SINHCAF: variants seen among roughly 807,000 people sequenced by gnomAD.
SINHCAF encodes the protein SIN3-HDAC complex associated factor.
In SINHCAF, 3 loss-of-function variants were observed where a neutral mutation model predicts 25.8. The ratio of observed to expected loss-of-function variants is 0.12; its 90% CI spans 0.05 to 0.30. The LOEUF (loss-of-function observed/expected upper bound fraction) is 0.30. SINHCAF is among the 10% of genes least tolerant of loss of function. SINHCAF has a pLI of 1.00. For missense variants in SINHCAF, 121 were observed against 262.3 expected, an observed-to-expected ratio of 0.46 and a Z score of 3.72; for synonymous variants, 70 against 85.5, an observed-to-expected ratio of 0.82 and a Z score of 1.00.
chr12:31,306,982 A>G (rs942414819), intron 1 of SINHCAF, among the ~76,000 whole-genome samples: 5 of 152,214 alleles, frequency 3.3e-5, no homozygotes, highest in African/African-American at 9.7e-5. Context: ...CAAGTAAGAT[A>G]CATCTGTAAA....
chr12:31,295,022 G>A (rs1565493063), intron 3 of SINHCAF, among the ~76,000 whole-genome samples: 1 of 152,098 alleles, frequency 6.6e-6, no homozygotes. Flanking sequence ...GGGGGATATT[G>A]GATACAGCCT....
chr12:31,300,821 C>G (rs573385924), intron 1 of SINHCAF, among the ~76,000 whole-genome samples: 3 of 152,228 alleles, frequency 2.0e-5, no homozygotes, highest in Admixed American at 1.3e-4. Context: ...GCATTACCAT[C>G]AAGAAGGTCA....
chr12:31,320,327 C>G (rs1307024845), intron 1 of SINHCAF, among the ~76,000 whole-genome samples: 1 of 152,206 alleles, frequency 6.6e-6, no homozygotes, highest in African/African-American at 2.4e-5. Context: ...TTATTTCTGC[C>G]TGAGACGGCT....
chr12:31,299,310 A>G (rs1022856443), intron 1 of SINHCAF, among the ~76,000 whole-genome samples: 44 of 149,964 alleles, frequency 2.9e-4, no homozygotes, highest in African/African-American at 1.1e-3. Flanking sequence ...AGCAACAATA[A>G]AAGAAAAAAA....
At chr12:31,302,897 TG>T (rs1938866050) in intron 1 of SINHCAF, 1 of 980,720 alleles carries the variant, frequency 1.0e-6, no homozygotes, top group African/African-American at 1.8e-5. Flanking sequence ...CAGTTACAAA[TG>T]CACAAAGGGT....
intron 1 of SINHCAF, among the ~76,000 whole-genome samples, chr12:31,308,100 C>T (rs944737094): frequency 2.0e-5 from 3 of 152,212 alleles, no homozygotes; most frequent in African/African-American, 7.2e-5. Flanking sequence ...GCCACCACAT[C>T]TGGCTAATTT....
In SINHCAF at chr12:31,325,007, CGGACAA is replaced by C. The variant is rs1221065530; in HGVS notation, c.-21+1011_-21+1016del. ...CACGGCTCACGCGGGGCTGGACATT[CGGACAA>C]GGACCAGGGTCGCAGCCCGAAGCAC... On this transcript the variant is annotated intron_variant, in intron 1 of 5. Coordinates refer to ENST00000337682, the MANE Select transcript of SINHCAF (RefSeq NM_001135812.2). The surrounding 1 kb of genome is among the most constrained non-coding windows in gnomAD (Gnocchi z 5.9). 2.2e-6 allele frequency: 1 copy of C among 456,684 alleles called. No individual in the cohort carries two copies. The highest frequency in any genetic ancestry group is 2.0e-5 in the African/African-American group (1 of 50,110). The allele number at this position is 456,684 out of a possible 1,614,324, so 28.3% of individuals were successfully genotyped here.
chr12:31,290,901 T>G (rs533590641), intron 4 of SINHCAF, among the ~76,000 whole-genome samples: 1 of 152,236 alleles, frequency 6.6e-6, no homozygotes, highest in East Asian at 1.9e-4. Context: ...GTATTTTTAG[T>G]AGACACGGGG....
chr12:31,290,263 T>C (rs1232294952), intron 4 of SINHCAF, among the ~76,000 whole-genome samples: 1 of 152,034 alleles, frequency 6.6e-6, no homozygotes. Context: ...TGCCTCAGCC[T>C]CTCGAGTAGC....
Position 31,282,517 on chromosome 12 carries a change from G to A in SINHCAF, c.*195C>T, listed in dbSNP as rs1335379136. On this transcript the variant is annotated 3_prime_UTR_variant, in exon 6 of 6. Transcript: ENST00000337682. The stretch of plus-strand genomic sequence containing the variant: ...GGCACCTATAAACCCAGCTACTTGG[G>A]AGGCTGAGGCAGGAGAATCACTTGA... 8 of 441,050 alleles carry A rather than the reference G, an allele frequency of 1.8e-5. No homozygotes were observed. Among genetic ancestry groups the A allele is most frequent in the Non-Finnish European group, 2.8e-5 (7 of 250,178 alleles). The allele number at this position is 441,050 out of a possible 1,614,324, so 27.3% of individuals were successfully genotyped here. A position where few individuals can be genotyped will look rare whatever the true frequency, so the allele number is the denominator to read the frequency against.
rs1939838945 is a variant in SINHCAF at position 31,324,100 on chromosome 12, C to CG, written c.-21+1923dup. The CG allele has an allele frequency of 2.2e-6, 1 of 453,590 alleles. No individual in the cohort carries two copies. Among genetic ancestry groups the CG allele is most frequent in the Non-Finnish European group, 4.4e-6 (1 of 226,648 alleles). The allele number at this position is 453,590 out of a possible 1,614,324, so 28.1% of individuals were successfully genotyped here. A position where few individuals can be genotyped will look rare whatever the true frequency, so the allele number is the denominator to read the frequency against. ...CGGGGGCCGCTCGCCGGGGCGAGGG[C>CG]GAGGGCAGCGGGAGGTGAACCGCGT... On this transcript the variant is annotated intron_variant, in intron 1 of 5. Transcript: ENST00000337682. This position sits in a 1 kb window ranked among gnomAD's most constrained non-coding sequence, Gnocchi z 5.5.
At position 31,324,839 on chromosome 12, in the gene SINHCAF, C is replaced by G; in HGVS notation, c.-21+1185G>C. The G allele has an allele frequency of 2.5e-6, 1 of 401,768 alleles. No homozygotes were observed. Among genetic ancestry groups the G allele is most frequent in the South Asian group, 1.8e-5 (1 of 55,820 alleles). 24.9% of individuals were successfully genotyped at this position (401,768 alleles called of 1,614,324 possible). A position where few individuals can be genotyped will look rare whatever the true frequency, so the allele number is the denominator to read the frequency against. On this transcript the variant is annotated intron_variant, in intron 1 of 5. Coordinates refer to ENST00000337682, the MANE Select transcript of SINHCAF (RefSeq NM_001135812.2). The surrounding 1 kb of genome is among the most constrained non-coding windows in gnomAD (Gnocchi z 5.5). ...CCATTTAATCAAAGTTTTGCAGTGTCCTTGATGAGAAACGCCCGGAGTATC... is the reference window on the plus strand; with the variant it reads ...CCATTTAATCAAAGTTTTGCAGTGTGCTTGATGAGAAACGCCCGGAGTATC...
chr12:31,316,127 GC>G (rs1939487068), intron 1 of SINHCAF, among the ~76,000 whole-genome samples: 1 of 151,946 alleles, frequency 6.6e-6, no homozygotes, highest in African/African-American at 2.4e-5. Flanking sequence ...CCGAGATTGT[GC>G]CACTGCACTC....
intron 1 of SINHCAF, among the ~76,000 whole-genome samples, chr12:31,299,318 A>G (rs772397435): frequency 1.1e-4 from 16 of 148,088 alleles, no homozygotes; most frequent in Non-Finnish European, 1.9e-4. Context: ...TAAAAGAAAA[A>G]AATTTTTTTT....
chr12:31,311,605 C>T (rs1473905841), intron 1 of SINHCAF: 2 of 358,700 alleles, frequency 5.6e-6, no homozygotes, highest in East Asian at 7.0e-5. Flanking sequence ...CCCCCTGGAC[C>T]CAGGGCCAAG....
intron 1 of SINHCAF, among the ~76,000 whole-genome samples, chr12:31,299,281 T>C (rs1405201276): frequency 6.6e-6 from 1 of 151,986 alleles, no homozygotes. Context: ...CTATAAATTA[T>C]CACAAAATTA....
chr12:31,287,118 CT>C lies in SINHCAF; in HGVS notation c.506+515del, dbSNP rs551253737. On this transcript the variant is annotated intron_variant, in intron 5 of 5. Coordinates refer to ENST00000337682, the MANE Select transcript of SINHCAF (RefSeq NM_001135812.2). ...ATTATGAGATTATCTCCGTTTTTCA[CT>C]TTTTCTTGAGACAGCTTTAGCAACA... Among the ~76,000 whole-genome samples the C allele has an allele frequency of 5.0e-3, 764 of 152,274 alleles. 9 individuals are homozygous for C. The highest frequency in any genetic ancestry group is 0.02 in the Admixed American group (303 of 15,286).
chr12:31,294,053 G>A (rs1592963431), intron 3 of SINHCAF, 122 bp from the exon 4 acceptor site: 1 of 647,424 alleles, frequency 1.5e-6, no homozygotes, highest in Admixed American at 3.6e-5. Context: ...GAAGCTCCAT[G>A]TGCACCTTTA....
intron 2 of SINHCAF, among the ~76,000 whole-genome samples, chr12:31,296,356 G>T (rs987090094): frequency 3.9e-5 from 6 of 151,984 alleles, no homozygotes; most frequent in Admixed American, 3.3e-4. Context: ...TGTAGAGACA[G>T]GGTTTTGCCA....
Sources: allele counts gnomAD v4.1 joint callset (sites outside exome capture counted in the v4.1 genomes callset), GRCh38; gene constraint gnomAD v4.1.1; non-coding constraint Gnocchi (gnomAD v3.1); transcripts MANE v1.5; gene names NCBI Gene and HGNC (gene_info 2026-07-23, HGNC 2026-07-21).